The following LMF1 variants were observed in gnomAD, a reference collection of about 807,000 sequenced individuals.
The protein encoded by LMF1 is lipase maturation factor 1, also known as transmembrane protein 112.
Under a neutral mutation model 60.6 loss-of-function variants are expected in LMF1, and 68 were observed. The observed-to-expected ratio is 1.12, with a 90% CI of 0.92 to 1.37. LMF1 has a LOEUF of 1.37. Among genes scored for constraint, LMF1 ranks in the 40% most tolerant of loss-of-function variants. LMF1 has a pLI of 0.00. For synonymous variants in LMF1, 418 were observed against 324.7 expected (o/e 1.29, Z -3.09); for missense variants, 948 against 767.2 (o/e 1.24, Z -2.78).
At chr16:966,026 C>T (rs953757564) in intron 1 of LMF1, among the ~76,000 whole-genome samples, 7 of 152,050 alleles carry the variant, frequency 4.6e-5, no homozygotes, top group South Asian at 2.1e-4. Flanking sequence ...AGCAGGGCTC[C>T]GGTGGTCAGC....
rs1227366608 is a variant in LMF1 at position 854,157 on chromosome 16, A to G, written c.*375T>C. 5 of 484,738 alleles carry G rather than the reference A, an allele frequency of 1.0e-5. No individual in the cohort carries two copies. The highest frequency in any genetic ancestry group is 2.0e-5 in the Non-Finnish European group (5 of 247,682). 30.0% of individuals were successfully genotyped at this position (484,738 alleles called of 1,614,324 possible). ...AGGCCCTGGGACGCTAGAGACCCCA[A>G]GAGCTACCTGGCTGGGTCTATGGTC... On this transcript the variant is annotated 3_prime_UTR_variant, in exon 11 of 11. Coordinates refer to ENST00000262301, the MANE Select transcript of LMF1 (RefSeq NM_022773.4).
At chr16:867,878 C>A (rs567055390) in intron 10 of LMF1, among the ~76,000 whole-genome samples, 2 of 152,186 alleles carry the variant, frequency 1.3e-5, no homozygotes, top group Non-Finnish European at 2.9e-5. Flanking sequence ...TGCTCCACTG[C>A]CTCTGTGGAC....
chr16:929,236 C>T (rs8055183), intron 3 of LMF1, among the ~76,000 whole-genome samples: 44,969 of 152,184 alleles, frequency 0.3, 8,569 homozygotes, highest in African/African-American at 0.53. Context: ...CCCAGAACAA[C>T]GGCTGTGGCC....
intron 10 of LMF1, among the ~76,000 whole-genome samples, chr16:866,396 G>A (rs971555731): frequency 1.3e-5 from 2 of 152,138 alleles, no homozygotes; most frequent in South Asian, 2.1e-4. Flanking sequence ...CTATGGCGGG[G>A]GTGGCCTAGT....
chr16:939,589 C>T (rs1261483824), intron 2 of LMF1, among the ~76,000 whole-genome samples: 2 of 151,400 alleles, frequency 1.3e-5, no homozygotes. Flanking sequence ...CGGCGCCAGG[C>T]CTCGACCCTG....
At chr16:925,928 T>C (rs781757163) in intron 3 of LMF1, among the ~76,000 whole-genome samples, 87 of 152,284 alleles carry the variant, frequency 5.7e-4, no homozygotes, top group Non-Finnish European at 9.3e-4. Context: ...CGTGTTTGCA[T>C]ATGATCTGCA....
intron 5 of LMF1, among the ~76,000 whole-genome samples, chr16:888,050 G>A (rs1297438574): frequency 2.0e-5 from 3 of 152,228 alleles, no homozygotes; most frequent in Admixed American, 6.5e-5. Context: ...TGCCCGTCAC[G>A]GGGCCTGTCT....
At chr16:955,324 T>TAC (rs1292684134) in intron 1 of LMF1, among the ~76,000 whole-genome samples, 1 of 143,494 alleles carries the variant, frequency 7.0e-6, no homozygotes, top group Non-Finnish European at 1.5e-5. Flanking sequence ...GGTGTGTGCA[T>TAC]ACACACACAC....
At position 970,897 on chromosome 16, in the gene LMF1, C is replaced by G; in HGVS notation, c.84G>C (p.Glu28Asp). The change falls in exon 1 of 11, where the codon GAG becomes GAC. Residue 28 changes from glutamate (E) to aspartate (D), a missense_variant. By Grantham distance (45) the Glu-to-Asp change is conservative. Coordinates refer to ENST00000262301, the MANE Select transcript of LMF1 (RefSeq NM_022773.4). ...GGCCACGCCCCGGCGCGGGCGGCGA[C>G]TCAGGCTCCGGATCCGAGTACCCAG... The part of the protein sequence containing the change: ...RKTGYSDPEP[E>D]SPPAPGRGPA... The G allele has an allele frequency of 6.3e-7, 1 of 1,579,588 alleles. No homozygotes were observed. The highest frequency in any genetic ancestry group is 1.2e-5 in the South Asian group (1 of 85,972).
Position 854,042 on chromosome 16 carries a change from G to A in LMF1, c.*490C>T, listed in dbSNP as rs528773972. On this transcript the variant is annotated 3_prime_UTR_variant, in exon 11 of 11. Transcript: ENST00000262301. ...GGGCGTGTCCAGGTCCCTGTGGGGC[G>A]AGGGTTTGGCTGCCCCAGACGTGAC... 1.7e-4 allele frequency: 77 copies of A among 455,000 alleles called. 1 individual carries two copies. Among genetic ancestry groups the A allele is most frequent in the East Asian group, 8.3e-4 (12 of 14,416 alleles). 28.2% of individuals were successfully genotyped at this position (455,000 alleles called of 1,614,324 possible).
intron 5 of LMF1, among the ~76,000 whole-genome samples, chr16:884,502 G>C (rs1233767833): frequency 6.6e-6 from 1 of 152,230 alleles, no homozygotes; most frequent in Non-Finnish European, 1.5e-5. Flanking sequence ...GTCAGACATT[G>C]ACAAGCTGAA....
chr16:935,389 C>T (rs1295630031), intron 2 of LMF1, among the ~76,000 whole-genome samples: 2 of 152,112 alleles, frequency 1.3e-5, no homozygotes, highest in African/African-American at 4.8e-5. Context: ...ACTGCCCCAG[C>T]CAGAATGTTT....
At chr16:920,812 GAT>G (rs1266936946) in intron 3 of LMF1, among the ~76,000 whole-genome samples, 1 of 152,240 alleles carries the variant, frequency 6.6e-6, no homozygotes, top group Non-Finnish European at 1.5e-5. Flanking sequence ...CGTCAGGAAT[GAT>G]AGTCGACTTC....
chr16:910,461 C>T (rs1304554955), intron 4 of LMF1, among the ~76,000 whole-genome samples: 1 of 152,184 alleles, frequency 6.6e-6, no homozygotes, highest in African/African-American at 2.4e-5. Context: ...ATGAGGAGGC[C>T]GCGCTTTCCC....
intron 10 of LMF1, among the ~76,000 whole-genome samples, chr16:865,412 G>A (rs1018227929): frequency 1.3e-5 from 2 of 152,192 alleles, no homozygotes; most frequent in African/African-American, 4.8e-5. Flanking sequence ...GGGCAACGGT[G>A]TGATCTCGGC....
chr16:913,382 A>T (rs2071177054), intron 3 of LMF1, among the ~76,000 whole-genome samples: 1 of 152,236 alleles, frequency 6.6e-6, no homozygotes, highest in South Asian at 2.1e-4. Flanking sequence ...TGGCCCAATC[A>T]GCGGAGAAGC....
At chr16:919,286 G>A (rs2071364697) in intron 3 of LMF1, among the ~76,000 whole-genome samples, 1 of 152,162 alleles carries the variant, frequency 6.6e-6, no homozygotes, top group South Asian at 2.1e-4. Context: ...CACTCACAGG[G>A]AAGGAACGTG....
chr16:913,675 C>T (rs994900249), intron 3 of LMF1, among the ~76,000 whole-genome samples: 1 of 152,256 alleles, frequency 6.6e-6, no homozygotes, highest in African/African-American at 2.4e-5. Context: ...GCCAGCGCTG[C>T]AGGTAACTGT....
At chr16:947,711 C>A (rs939961652) in intron 2 of LMF1, 42 of 394,996 alleles carry the variant, frequency 1.1e-4, no homozygotes, top group Non-Finnish European at 2.0e-4. Context: ...AGCAGCAAAG[C>A]AGCCTGCAGG....
Sources: allele counts gnomAD v4.1 joint callset (sites outside exome capture counted in the v4.1 genomes callset), GRCh38; gene constraint gnomAD v4.1.1; transcripts MANE v1.5; gene names NCBI Gene and HGNC (gene_info 2026-07-23, HGNC 2026-07-21).